NAALADL2: variants seen among roughly 807,000 people sequenced by gnomAD.
NAALADL2 encodes N-acetylated alpha-linked acidic dipeptidase like 2, also known as inactive N-acetylated-alpha-linked acidic dipeptidase-like protein 2.
NAALADL2 carries 76 observed loss-of-function variants against 87.2 expected under a neutral mutation model. The observed-to-expected ratio is 0.87, with a 90% CI of 0.72 to 1.05. The LOEUF is 1.05. Ranked by LOEUF, NAALADL2 falls within the 50% of genes least tolerant of loss-of-function variation. NAALADL2 has a pLI of 0.00. For synonymous variants in NAALADL2, 354 were observed against 331.0 expected, an observed-to-expected ratio of 1.07 and a Z score of -0.75; for missense variants, 1,089 against 945.8, an observed-to-expected ratio of 1.15 and a Z score of -1.99.
At chr3:175,468,069 T>C (rs1724349008) in intron 8 of NAALADL2, among the ~76,000 whole-genome samples, 1 of 152,124 alleles carries the variant, frequency 6.6e-6, no homozygotes, top group African/African-American at 2.4e-5. Flanking sequence ...TAGGAAATTA[T>C]TTTGCTACAT....
chr3:175,770,428 A>T (rs190281927), intron 13 of NAALADL2, among the ~76,000 whole-genome samples: 32 of 152,322 alleles, frequency 2.1e-4, no homozygotes, highest in Admixed American at 7.2e-4. Context: ...TACTTTTGTT[A>T]TGCATTTTAA....
At chr3:175,403,544 C>T (rs925659128) in intron 5 of NAALADL2, among the ~76,000 whole-genome samples, 5 of 151,840 alleles carry the variant, frequency 3.3e-5, no homozygotes, top group East Asian at 1.9e-4. Flanking sequence ...TTCTGTTTTC[C>T]GCCCACTTTA....
chr3:175,745,225 C>T (rs978288486), intron 12 of NAALADL2, among the ~76,000 whole-genome samples: 1 of 152,210 alleles, frequency 6.6e-6, no homozygotes, highest in Non-Finnish European at 1.5e-5. Flanking sequence ...TGAAAGCTCA[C>T]TTTGACTGAG....
At chr3:174,883,701 C>T (rs1729715375) in intron 1 of NAALADL2, among the ~76,000 whole-genome samples, 1 of 152,166 alleles carries the variant, frequency 6.6e-6, no homozygotes, top group Admixed American at 6.5e-5. Context: ...TTGATGACTA[C>T]ATTCTTCTAC....
chr3:175,458,445 A>G (rs1292257359), intron 6 of NAALADL2, among the ~76,000 whole-genome samples: 2 of 147,100 alleles, frequency 1.4e-5, no homozygotes, highest in African/African-American at 2.5e-5. Context: ...AGATATATAT[A>G]CAATCAACAA....
chr3:175,685,064 A>G (rs925641488), intron 11 of NAALADL2, among the ~76,000 whole-genome samples: 7 of 152,190 alleles, frequency 4.6e-5, no homozygotes, highest in Non-Finnish European at 5.9e-5. Context: ...TGGCATGGTT[A>G]ACTCTTGATA....
At chr3:175,665,977 G>A (rs1732935969) in intron 11 of NAALADL2, among the ~76,000 whole-genome samples, 2 of 151,754 alleles carry the variant, frequency 1.3e-5, no homozygotes, top group Non-Finnish European at 2.9e-5. Flanking sequence ...TCAAAATTTT[G>A]TTTTCCAGAA....
chr3:175,117,502 A>G (rs920765711), intron 2 of NAALADL2, among the ~76,000 whole-genome samples: 2 of 152,154 alleles, frequency 1.3e-5, no homozygotes, highest in African/African-American at 2.4e-5. Flanking sequence ...GCCAACAGAC[A>G]CATGAAAAAA....
At chr3:175,016,594 A>T (rs896923332) in intron 1 of NAALADL2, among the ~76,000 whole-genome samples, 5 of 151,898 alleles carry the variant, frequency 3.3e-5, no homozygotes, top group Admixed American at 3.3e-4. Flanking sequence ...GTGTATATAC[A>T]TATACGCAAA....
In NAALADL2 at chr3:175,565,400, A is replaced by C. The variant is rs375584569; in HGVS notation, c.1654-10641A>C. Among the ~76,000 whole-genome samples, 66 of 152,294 alleles carry C rather than the reference A, an allele frequency of 4.3e-4. No homozygotes were observed. The South Asian group carries it at 0.013, about 29-fold the overall frequency. On this transcript the variant is annotated intron_variant, in intron 9 of 13. Coordinates refer to ENST00000454872, the MANE Select transcript of NAALADL2 (RefSeq NM_207015.3). Reference sequence around the variant, plus strand: ...TGATAATACATTGATACTTTCCTAGAAAATGCACACACACACAAACCGTGT... The same window carrying C: ...TGATAATACATTGATACTTTCCTAGCAAATGCACACACACACAAACCGTGT...
At chr3:175,478,653 A>G (rs1012158340) in intron 9 of NAALADL2, among the ~76,000 whole-genome samples, 2 of 151,862 alleles carry the variant, frequency 1.3e-5, no homozygotes, top group African/African-American at 4.8e-5. Context: ...TTAATATCAC[A>G]TTGTTAAAAT....
At chr3:175,631,768 A>G (rs983635067) in intron 11 of NAALADL2, among the ~76,000 whole-genome samples, 1 of 151,994 alleles carries the variant, frequency 6.6e-6, no homozygotes, top group African/African-American at 2.4e-5. Context: ...TCCTTTAATG[A>G]GTGATTAAAA....
chr3:175,026,618 G>A (rs1452275615), intron 1 of NAALADL2, among the ~76,000 whole-genome samples: 1 of 151,384 alleles, frequency 6.6e-6, no homozygotes, highest in African/African-American at 2.4e-5. Flanking sequence ...TCACTCAATT[G>A]CACTTCAGCC....
At chr3:175,335,378 G>T (rs187389192) in intron 5 of NAALADL2, among the ~76,000 whole-genome samples, 1 of 152,226 alleles carries the variant, frequency 6.6e-6, no homozygotes, top group East Asian at 1.9e-4. Flanking sequence ...GAAAAAATTC[G>T]GTGGTTATAG....
chr3:175,799,847 G>A (rs371453538), intron 13 of NAALADL2, among the ~76,000 whole-genome samples: 13 of 151,866 alleles, frequency 8.6e-5, no homozygotes, highest in Middle Eastern at 3.4e-3. Flanking sequence ...GATTACATTC[G>A]CATGGTTGAT....
At chr3:175,016,871 A>T (rs1750889139) in intron 1 of NAALADL2, among the ~76,000 whole-genome samples, 1 of 152,050 alleles carries the variant, frequency 6.6e-6, no homozygotes, top group Non-Finnish European at 1.5e-5. Flanking sequence ...TAATCAATTC[A>T]GGGTGATCGG....
chr3:175,272,216 A>C (rs1752944630), intron 4 of NAALADL2, among the ~76,000 whole-genome samples: 1 of 152,198 alleles, frequency 6.6e-6, no homozygotes, highest in Non-Finnish European at 1.5e-5. Flanking sequence ...AGACATTTTC[A>C]TTTAACTTAT....
chr3:175,113,996 A>G (rs559623008), intron 2 of NAALADL2, among the ~76,000 whole-genome samples: 1 of 151,782 alleles, frequency 6.6e-6, no homozygotes, highest in South Asian at 2.1e-4. Context: ...ATCAAGTGTT[A>G]CTTTGTCTCA....
At chr3:174,700,111 A>G (rs78496212) in intron 2 of NAALADL2, among the ~76,000 whole-genome samples, 4,354 of 131,886 alleles carry the variant, frequency 0.033, 169 homozygotes, top group African/African-American at 0.11. Flanking sequence ...CATTGATCTG[A>G]AAAAAAAAAT....
Sources: allele counts gnomAD v4.1 joint callset (sites outside exome capture counted in the v4.1 genomes callset), GRCh38; gene constraint gnomAD v4.1.1; transcripts MANE v1.5; gene names NCBI Gene and HGNC (gene_info 2026-07-23, HGNC 2026-07-21).